NDST3: variants seen among roughly 807,000 people sequenced by gnomAD.
The protein encoded by NDST3 is N-deacetylase and N-sulfotransferase 3.
In NDST3, 58 loss-of-function variants were observed where a neutral mutation model predicts 96.1. That is an observed-to-expected ratio of 0.60 (90% CI 0.49 to 0.75). The LOEUF (loss-of-function observed/expected upper bound fraction) is 0.75, where lower values mean the gene tolerates loss of function less well. Ranked by LOEUF, NDST3 falls within the 30% of genes least tolerant of loss-of-function variation. The pLI is 0.00. For missense variants in NDST3, 788 were observed against 1,034.2 expected (o/e 0.76, Z 3.27); for synonymous variants, 333 against 359.7 (o/e 0.93, Z 0.84).
intron 2 of NDST3, among the ~76,000 whole-genome samples, chr4:118,087,525 G>A (rs1728525941): frequency 6.6e-6 from 1 of 152,054 alleles, no homozygotes; most frequent in Non-Finnish European, 1.5e-5. Flanking sequence ...TCTCAGCTGT[G>A]AATATCTCTA....
At chr4:118,205,896 G>A (rs981739682) in intron 6 of NDST3, among the ~76,000 whole-genome samples, 5 of 135,208 alleles carry the variant, frequency 3.7e-5, no homozygotes, top group African/African-American at 5.5e-5. Context: ...GCAGTGCCGC[G>A]ATCTCGGCTC....
Position 118,255,803 on chromosome 4 carries a change from A to C in NDST3, c.*91A>C. On this transcript the variant is annotated 3_prime_UTR_variant, in exon 14 of 14. Coordinates refer to ENST00000296499, the MANE Select transcript of NDST3 (RefSeq NM_004784.3). ...CTACCAAAAGGCAGTTGAAAAATAT[A>C]CCTCTTCAAATGAGAAAAAAGAACA... 7.5e-7 allele frequency: 1 copy of C among 1,333,626 alleles called. No individual in the cohort carries two copies. The highest frequency in any genetic ancestry group is 1.0e-6 in the Non-Finnish European group (1 of 996,342). The allele number at this position is 1,333,626 out of a possible 1,614,324, so 82.6% of individuals were successfully genotyped here. A position where few individuals can be genotyped will look rare whatever the true frequency, so the allele number is the denominator to read the frequency against.
chr4:118,196,378 G>T (rs4833566), intron 6 of NDST3, among the ~76,000 whole-genome samples: 123,846 of 152,110 alleles, frequency 0.81, 52,761 homozygotes, highest in South Asian at 0.95. Context: ...CTGGGAAGTA[G>T]TCCCTCCTCC....
At chr4:118,047,315 T>A (rs1471012220) in intron 1 of NDST3, among the ~76,000 whole-genome samples, 1 of 152,180 alleles carries the variant, frequency 6.6e-6, no homozygotes, top group Admixed American at 6.5e-5. Flanking sequence ...TGCGAAAGAA[T>A]CATGGTAAGA....
chr4:118,144,538 A>G (rs903592176), intron 6 of NDST3, among the ~76,000 whole-genome samples: 1 of 150,996 alleles, frequency 6.6e-6, no homozygotes, highest in African/African-American at 2.4e-5. Context: ...CCATTTGCAT[A>G]TATTTCTGCT....
intron 6 of NDST3, among the ~76,000 whole-genome samples, chr4:118,156,678 T>C (rs185489151): frequency 1.8e-3 from 270 of 152,324 alleles, no homozygotes; most frequent in Non-Finnish European, 2.9e-3. Flanking sequence ...ATTGAAGTCA[T>C]TGAGTTTATG....
intron 4 of NDST3, among the ~76,000 whole-genome samples, chr4:118,124,177 A>G (rs981988617): frequency 6.6e-6 from 1 of 152,094 alleles, no homozygotes; most frequent in Non-Finnish European, 1.5e-5. Context: ...TGTATAATAG[A>G]AGAAATGTAT....
intron 9 of NDST3, among the ~76,000 whole-genome samples, chr4:118,235,056 G>GGAAGGAAAGAAGGAAA (rs70941159): frequency 0.29 from 44,163 of 150,202 alleles, 8,053 homozygotes; most frequent in Middle Eastern, 0.43. Flanking sequence ...AAGGAAGGAA[G>GGAAGGAAAGAAGGAAA]GAAGGAAGGA....
intron 8 of NDST3, among the ~76,000 whole-genome samples, chr4:118,232,683 G>GGAAAGAAAGAAAGAAAGAAAGAAA (rs201457518): frequency 1.4e-3 from 204 of 150,076 alleles, no homozygotes; most frequent in African/African-American, 4.7e-3. Context: ...GAAAAGAAAA[G>GGAAAGAAAGAAAGAAAGAAAGAAA]GAAAGAAACA....
At chr4:118,037,199 A>T (rs1373292207) in intron 1 of NDST3, among the ~76,000 whole-genome samples, 1 of 152,146 alleles carries the variant, frequency 6.6e-6, no homozygotes, top group Non-Finnish European at 1.5e-5. Flanking sequence ...ACGAAGATAG[A>T]TGAGAAAACA....
chr4:118,168,993 T>C (rs1027965641), intron 6 of NDST3, among the ~76,000 whole-genome samples: 16 of 152,106 alleles, frequency 1.1e-4, no homozygotes, highest in African/African-American at 3.4e-4. Context: ...GGATATAAAT[T>C]TTCAATTATG....
chr4:118,070,384 TGTG>T (rs1726957719), intron 2 of NDST3, among the ~76,000 whole-genome samples: 1 of 152,074 alleles, frequency 6.6e-6, no homozygotes, highest in South Asian at 2.1e-4. Context: ...TGAATGCATG[TGTG>T]AGAAGGCTGG....
At chr4:118,223,737 A>T (rs1245810988) in intron 6 of NDST3, among the ~76,000 whole-genome samples, 6 of 152,098 alleles carry the variant, frequency 3.9e-5, no homozygotes, top group Non-Finnish European at 8.8e-5. Flanking sequence ...ATTATAGTAA[A>T]CCATTGTTAC....
chr4:118,081,696 T>C (rs1728036690), intron 2 of NDST3, among the ~76,000 whole-genome samples: 1 of 152,186 alleles, frequency 6.6e-6, no homozygotes, highest in African/African-American at 2.4e-5. Flanking sequence ...AATGCCTCTT[T>C]GCTGTGTCCC....
chr4:118,169,808 A>AAG (rs1735812429), intron 6 of NDST3, among the ~76,000 whole-genome samples: 1 of 151,166 alleles, frequency 6.6e-6, no homozygotes, highest in African/African-American at 2.4e-5. Context: ...AAAAAAAAAA[A>AAG]AGAGAGCTGA....
intron 12 of NDST3, 97 bp downstream of exon 12, chr4:118,242,246 C>T (rs571575094): frequency 1.2e-4 from 82 of 700,458 alleles, no homozygotes; most frequent in Admixed American, 5.8e-4. Flanking sequence ...TTACTTGTTC[C>T]TTATATACTG....
chr4:118,217,791 A>C (rs1739283889), intron 6 of NDST3, among the ~76,000 whole-genome samples: 2 of 152,038 alleles, frequency 1.3e-5, no homozygotes, highest in Admixed American at 1.3e-4. Flanking sequence ...AGGTACATGG[A>C]GAAATGAAAA....
At chr4:118,037,638 T>C (rs11734982) in intron 1 of NDST3, among the ~76,000 whole-genome samples, 34,113 of 152,160 alleles carry the variant, frequency 0.22, 4,887 homozygotes, top group Non-Finnish European at 0.32. Flanking sequence ...GAAATACTCA[T>C]TCATTCACCC....
chr4:118,055,029 C>T (rs764098245), intron 2 of NDST3, 138 bp downstream of exon 2: 4 of 996,272 alleles, frequency 4.0e-6, no homozygotes, highest in South Asian at 2.7e-5. Flanking sequence ...GATTATCGCT[C>T]ACCCTAAATC....
Sources: gnomAD v4.1 joint callset for allele counts (sites outside exome capture counted in the v4.1 genomes callset) on GRCh38, gnomAD v4.1.1 for gene constraint, MANE v1.5 for transcripts, NCBI Gene and HGNC (gene_info 2026-07-23, HGNC 2026-07-21) for gene names.